The following ACAD11 variants were observed in gnomAD, a reference collection of about 807,000 sequenced individuals.
ACAD11 encodes the protein acyl-Coenzyme A dehydrogenase family, member 11.
ACAD11 carries 83 observed loss-of-function variants against 102.2 expected under a neutral mutation model. That is an observed-to-expected ratio of 0.81 (90% CI 0.68 to 0.97). ACAD11 has a LOEUF of 0.97. Ranked by LOEUF, ACAD11 falls within the 50% of genes least tolerant of loss-of-function variation. The pLI is 0.00. For missense variants in ACAD11, 901 were observed against 951.7 expected (o/e 0.95, Z 0.70); for synonymous variants, 324 against 319.8 (o/e 1.01, Z -0.14).
Position 132,559,972 on chromosome 3 carries a change from T to G in ACAD11, c.2119-30A>C, listed in dbSNP as rs763026531. ...ATAAGCAAAATATGAAAAGAATGCT[T>G]CTTTCTTAGACTATACACAATGTGG... On this transcript the variant is annotated intron_variant, in intron 18 of 19. Transcript: ENST00000264990. The G allele has an allele frequency of 8.4e-6, 13 of 1,555,928 alleles. No individual in the cohort carries two copies. The African/African-American group carries it at 1.2e-4, about 15-fold the overall frequency.
chr3:132,559,080 G>C lies in ACAD11; in HGVS notation c.2234C>G (p.Ala745Gly). The C allele has an allele frequency of 6.2e-7, 1 of 1,611,574 alleles. No individual in the cohort carries two copies. Among genetic ancestry groups the C allele is most frequent in the Non-Finnish European group, 8.5e-7 (1 of 1,178,018 alleles). ...SQDYPLANMYAITRVLRLADG... is the reference protein window; with the variant it reads ...SQDYPLANMYGITRVLRLADG... The stretch of plus-strand genomic sequence containing the variant: ...TGCTAAACGCAAAACTCGGGTTATA[G>C]CATACCTGAAAAAGCAAAAGAATCA... The change falls in exon 20 of 20, where the codon GCT (alanine) becomes GGT (glycine). Residue 745 changes from alanine to glycine, a missense_variant. Ala to Gly is a moderately conservative substitution (Grantham distance 60). Transcript: ENST00000264990.
In ACAD11 at chr3:132,637,978, T is replaced by C. The variant is rs529662994; in HGVS notation, c.702+1514A>G. ...AATGTACAATTATGTCTCCTATAAT[T>C]CTATCCCCTACAACCACTGTTTAGG... On this transcript the variant is annotated intron_variant, in intron 5 of 19. Coordinates refer to ENST00000264990, the MANE Select transcript of ACAD11 (RefSeq NM_032169.5). Among the ~76,000 whole-genome samples, 28 of 152,310 alleles carry C rather than the reference T, an allele frequency of 1.8e-4. No individual in the cohort carries two copies. The South Asian group carries it at 5.8e-3, about 32-fold the overall frequency.
chr3:132,642,781 G>T lies in ACAD11; in HGVS notation c.271C>A (p.Gln91Lys). ...AATCCAATTGAAAACAAGGCTTTCT[G>T]GACTTTAAATTCTCTATCAATCTAA... ...AHQIDREFKV[Q>K]KALFSIGFPV... The change falls in exon 3 of 20, where the codon CAG becomes AAG. Residue 91 changes from glutamine (Q) to lysine (K), a missense_variant. By Grantham distance (53) the Gln-to-Lys change is moderately conservative (BLOSUM62 1). Coordinates refer to ENST00000264990, the MANE Select transcript of ACAD11 (RefSeq NM_032169.5). 1 of 1,612,170 alleles carries T rather than the reference G, an allele frequency of 6.2e-7. No individual in the cohort carries two copies. Among genetic ancestry groups the T allele is most frequent in the Non-Finnish European group, 8.5e-7 (1 of 1,179,272 alleles).
chr3:132,586,864 G>A (rs1330279004), intron 13 of ACAD11, among the ~76,000 whole-genome samples: 1 of 152,180 alleles, frequency 6.6e-6, no homozygotes, highest in African/African-American at 2.4e-5. Context: ...AAGCTGAGGT[G>A]GGCGGATCAC....
At chr3:132,634,139 C>T (rs1407297526) in intron 5 of ACAD11, among the ~76,000 whole-genome samples, 4 of 151,952 alleles carry the variant, frequency 2.6e-5, no homozygotes, top group South Asian at 2.1e-4. Flanking sequence ...AATGGGAGAA[C>T]ATGTGCAATC....
chr3:132,630,726 T>G (rs1940006304), intron 6 of ACAD11, among the ~76,000 whole-genome samples, 168 bp from the exon 7 acceptor site: 1 of 152,184 alleles, frequency 6.6e-6, no homozygotes, highest in Admixed American at 6.5e-5. Context: ...ATACAAAGGA[T>G]TATATTTGGT....
rs772289840 is a variant in ACAD11 at position 132,659,699 on chromosome 3, T to C, written c.53A>G (p.His18Arg). 6.2e-7 allele frequency: 1 copy of C among 1,611,648 alleles called. No homozygotes were observed. The highest frequency in any genetic ancestry group is 1.7e-5 in the Admixed American group (1 of 59,788). Residue 18 changes from histidine to arginine, a missense_variant, in exon 1 of 20, where the codon CAC becomes CGC. Physicochemically the swap from His to Arg is conservative, Grantham distance 29. Transcript: ENST00000264990. ...ESDLAEVLPQHKFDSKSLEAY... is the reference protein window; with the variant it reads ...ESDLAEVLPQRKFDSKSLEAY... ...CTCCAGGGACTTGCTGTCGAACTTG[T>C]GCTGGGGCAGCACTTCGGCCAAATC...
Position 132,648,596 on chromosome 3 carries a change from T to C in ACAD11, c.150-3700A>G, listed in dbSNP as rs553477650. ...CTGATAAGGGAATCAGTTGTGTTTG[T>C]GGATATCCAGGAAGCCACTTATCCC... is the stretch of plus-strand genomic sequence containing the variant. On this transcript the variant is annotated intron_variant, in intron 1 of 19. Transcript: ENST00000264990. The C allele has an allele frequency of 5.9e-5, 9 of 152,240 alleles. No individual in the cohort carries two copies. In the East Asian group the frequency reaches 1.7e-3, roughly 29 times the overall value. The allele number at this position is 152,240 out of a possible 1,614,324, so 9.4% of individuals were successfully genotyped here. A position where few individuals can be genotyped will look rare whatever the true frequency, so the allele number is the denominator to read the frequency against.
At chr3:132,564,827 T>G (rs1937164590) in intron 17 of ACAD11, among the ~76,000 whole-genome samples, 4 of 152,200 alleles carry the variant, frequency 2.6e-5, no homozygotes, top group African/African-American at 9.7e-5. Flanking sequence ...AAGAAGACTC[T>G]GAAAGGTAGA....
chr3:132,566,296 C>CAAAAAA (rs371477145), intron 17 of ACAD11, among the ~76,000 whole-genome samples: 107 of 61,730 alleles, frequency 1.7e-3, no homozygotes, highest in Non-Finnish European at 2.4e-3. Context: ...AAAACAAACT[C>CAAAAAA]AAAAAAACAA....
rs552148909 is a variant in ACAD11 at position 132,564,099 on chromosome 3, C to T, written c.2002-2882G>A. Among the ~76,000 whole-genome samples the T allele has an allele frequency of 3.9e-5, 6 of 152,112 alleles. No homozygotes were observed. In the South Asian group the frequency reaches 6.2e-4, roughly 16 times the overall value. ...ATTATAATAATTTATTTTTAATTAT[C>T]GAGTTATAGACATGAATCAGGCTTG... On this transcript the variant is annotated intron_variant, in intron 17 of 19. Coordinates refer to ENST00000264990, the MANE Select transcript of ACAD11 (RefSeq NM_032169.5).
chr3:132,605,010 C>G (rs1449438768), intron 12 of ACAD11, 88 bp downstream of exon 12: 11 of 1,002,270 alleles, frequency 1.1e-5, no homozygotes, highest in Non-Finnish European at 1.6e-5. Flanking sequence ...GACTGAAACA[C>G]AGAACCACAT....
intron 11 of ACAD11, among the ~76,000 whole-genome samples, chr3:132,614,246 G>C (rs1939302613): frequency 6.6e-6 from 1 of 152,094 alleles, no homozygotes; most frequent in South Asian, 2.1e-4. Flanking sequence ...TGGCCATACT[G>C]CCCAAAGTAA....
At chr3:132,622,402 C>T (rs1040430552) in intron 9 of ACAD11, among the ~76,000 whole-genome samples, 1 of 152,138 alleles carries the variant, frequency 6.6e-6, no homozygotes, top group Non-Finnish European at 1.5e-5. Context: ...ATTTCCATCC[C>T]TCATATTGCC....
intron 12 of ACAD11, among the ~76,000 whole-genome samples, chr3:132,603,977 A>AT (rs1035808921): frequency 1.3e-5 from 2 of 151,736 alleles, no homozygotes; most frequent in Non-Finnish European, 2.9e-5. Context: ...CTTAAGACTT[A>AT]TTTTTTTTCT....
In ACAD11 at chr3:132,605,145, A is replaced by G. The variant is rs1438147511; in HGVS notation, c.1475T>C (p.Leu492Pro). The G allele has an allele frequency of 3.1e-6, 5 of 1,613,714 alleles. No individual in the cohort carries two copies. In the Admixed American group the frequency reaches 6.7e-5, roughly 22 times the overall value. The change falls in exon 12 of 20, where the codon CTT becomes CCT. Residue 492 changes from leucine to proline, a missense_variant. By Grantham distance (98) the Leu-to-Pro change is moderately conservative (BLOSUM62 -3). Transcript: ENST00000264990. Reference sequence around the variant, plus strand: ...AATGTTCCCTTGAAGAAGAGGCTCAAGCCACTGTTTCTTCTGTTCCTCACT... The same window carrying G: ...AATGTTCCCTTGAAGAAGAGGCTCAGGCCACTGTTTCTTCTGTTCCTCACT... ...YGSEEQKKQW[L>P]EPLLQGNITS... is the part of the protein sequence containing the mutation.
intron 9 of ACAD11, among the ~76,000 whole-genome samples, chr3:132,623,238 C>T (rs1003139305): frequency 1.3e-5 from 2 of 151,882 alleles, no homozygotes; most frequent in East Asian, 1.9e-4. Context: ...AGTCATGAAG[C>T]GTCTCAGTGG....
At chr3:132,564,944 G>A (rs561767319) in intron 17 of ACAD11, among the ~76,000 whole-genome samples, 7 of 151,952 alleles carry the variant, frequency 4.6e-5, no homozygotes, top group Admixed American at 3.3e-4. Context: ...GGTTCTTCCC[G>A]GCAGCTGAAG....
At chr3:132,637,261 C>T (rs1940310824) in intron 5 of ACAD11, among the ~76,000 whole-genome samples, 1 of 152,050 alleles carries the variant, frequency 6.6e-6, no homozygotes. Context: ...AAGGTCAGGA[C>T]ACTTTATAAT....
Sources: gnomAD v4.1 joint callset for allele counts (sites outside exome capture counted in the v4.1 genomes callset) on GRCh38, gnomAD v4.1.1 for gene constraint, MANE v1.5 for transcripts, NCBI Gene and HGNC (gene_info 2026-07-23, HGNC 2026-07-21) for gene names.